The following PDE1A variants were observed in gnomAD, a reference collection of about 807,000 sequenced individuals.
PDE1A encodes dual specificity calcium/calmodulin-dependent 3',5'-cyclic nucleotide phosphodiesterase 1A.
In PDE1A, 35 loss-of-function variants were observed where a neutral mutation model predicts 61.7. That is an observed-to-expected ratio of 0.57 (90% CI 0.43 to 0.75). The LOEUF is 0.75. Among genes scored for constraint, PDE1A ranks in the 30% least tolerant of loss-of-function variants. PDE1A has a pLI of 0.00. For missense variants in PDE1A, 597 were observed against 630.6 expected (o/e 0.95, Z 0.57); for synonymous variants, 232 against 213.2 (o/e 1.09, Z -0.77).
chr2:182,347,936 C>A (rs1407039455), intron 1 of PDE1A, among the ~76,000 whole-genome samples: 3 of 152,010 alleles, frequency 2.0e-5, no homozygotes, highest in African/African-American at 7.2e-5. Context: ...GGTAGTACAG[C>A]GTTTTCTTTG....
the PDE1A span, among the ~76,000 whole-genome samples, chr2:182,704,047 C>CA: frequency 5.2e-4 from 74 of 143,216 alleles, no homozygotes; most frequent in South Asian, 9.1e-4. Flanking sequence ...CTAAAAATTA[C>CA]AAAAAAAAAA....
chr2:182,714,701 G>C, the PDE1A span, among the ~76,000 whole-genome samples: 268 of 152,106 alleles, frequency 1.8e-3, 1 homozygote, highest in Non-Finnish European at 2.3e-3. Flanking sequence ...TGGGATTATA[G>C]GGGTGTGCCA....
At chr2:182,627,472 C>CT in the PDE1A span, among the ~76,000 whole-genome samples, 18 of 141,716 alleles carry the variant, frequency 1.3e-4, no homozygotes, top group Non-Finnish European at 2.6e-4. Context: ...CATTGAGTCA[C>CT]TTTCAGTGCA....
intron 2 of PDE1A, among the ~76,000 whole-genome samples, chr2:182,466,956 T>C (rs761425606): frequency 8.6e-5 from 13 of 152,036 alleles, no homozygotes; most frequent in Non-Finnish European, 1.3e-4. Flanking sequence ...CATACGGGTA[T>C]ACTAAGAGGA....
intron 7 of PDE1A, among the ~76,000 whole-genome samples, chr2:182,212,090 G>A (rs540966149): frequency 6.6e-6 from 1 of 151,964 alleles, no homozygotes; most frequent in South Asian, 2.1e-4. Context: ...CACAATCTTA[G>A]TGGGAAAGCT....
At chr2:182,568,425 T>A in the PDE1A span, among the ~76,000 whole-genome samples, 1 of 152,192 alleles carries the variant, frequency 6.6e-6, no homozygotes, top group African/African-American at 2.4e-5. Context: ...ACGCCTGTAA[T>A]CCCAGCACTT....
intron 1 of PDE1A, among the ~76,000 whole-genome samples, chr2:182,357,777 T>C (rs977184600): frequency 6.6e-6 from 1 of 152,234 alleles, no homozygotes; most frequent in Non-Finnish European, 1.5e-5. Context: ...CTGAATAATA[T>C]TGGGTTCCAG....
At chr2:182,356,386 G>T (rs1021938998) in intron 1 of PDE1A, among the ~76,000 whole-genome samples, 1 of 151,998 alleles carries the variant, frequency 6.6e-6, no homozygotes, top group Non-Finnish European at 1.5e-5. Flanking sequence ...ACGTAAAATC[G>T]TATATTAAGA....
the PDE1A span, among the ~76,000 whole-genome samples, chr2:182,620,642 T>C: frequency 6.6e-6 from 1 of 152,216 alleles, no homozygotes; most frequent in African/African-American, 2.4e-5. Flanking sequence ...ACAAGAATAA[T>C]AAGATTTATG....
chr2:182,681,816 T>A, the PDE1A span, among the ~76,000 whole-genome samples: 1 of 152,144 alleles, frequency 6.6e-6, no homozygotes. Flanking sequence ...CAGCTAATTT[T>A]TTTGTATTTT....
the PDE1A span, among the ~76,000 whole-genome samples, chr2:182,540,790 A>G: frequency 6.6e-6 from 1 of 152,158 alleles, no homozygotes; most frequent in Admixed American, 6.6e-5. Flanking sequence ...ATAAATACAT[A>G]TTTATTTATA....
At chr2:182,323,922 G>A (rs1480553485) in intron 1 of PDE1A, among the ~76,000 whole-genome samples, 1 of 152,100 alleles carries the variant, frequency 6.6e-6, no homozygotes, top group African/African-American at 2.4e-5. Context: ...TTGCAGTAGG[G>A]CTGTGCAGCC....
At chr2:182,679,276 C>T in the PDE1A span, among the ~76,000 whole-genome samples, 18 of 150,918 alleles carry the variant, frequency 1.2e-4, no homozygotes, top group East Asian at 9.7e-4. Flanking sequence ...CTCCGCCTCC[C>T]GGGTTAACGT....
intron 1 of PDE1A, among the ~76,000 whole-genome samples, chr2:182,282,197 C>T (rs1004874344): frequency 6.6e-6 from 1 of 151,968 alleles, no homozygotes; most frequent in Non-Finnish European, 1.5e-5. Context: ...CTTATCCTCA[C>T]TACTTTGTCA....
intron 1 of PDE1A, among the ~76,000 whole-genome samples, chr2:182,376,888 G>C (rs760072498): frequency 6.6e-6 from 1 of 152,172 alleles, no homozygotes; most frequent in Non-Finnish European, 1.5e-5. Context: ...GGATACAAAA[G>C]TGGAAACACC....
the PDE1A span, among the ~76,000 whole-genome samples, chr2:182,568,523 A>G: frequency 3.1e-4 from 47 of 152,244 alleles, no homozygotes; most frequent in Middle Eastern, 6.8e-3. Flanking sequence ...AAAGTTAGCC[A>G]GGCGCAGTGG....
At chr2:182,503,250 G>C (rs1474571240) in intron 2 of PDE1A, among the ~76,000 whole-genome samples, 2 of 152,166 alleles carry the variant, frequency 1.3e-5, no homozygotes, top group Non-Finnish European at 2.9e-5. Flanking sequence ...ACAAAGGTCA[G>C]AGCCTTGTGA....
chr2:182,608,665 C>A, the PDE1A span, among the ~76,000 whole-genome samples: 1 of 152,324 alleles, frequency 6.6e-6, no homozygotes, highest in African/African-American at 2.4e-5. Context: ...GGACCTGCAG[C>A]GGGCCATGCC....
At chr2:182,560,611 T>C in the PDE1A span, among the ~76,000 whole-genome samples, 1 of 152,152 alleles carries the variant, frequency 6.6e-6, no homozygotes, top group Non-Finnish European at 1.5e-5. Flanking sequence ...ATGGTATTTC[T>C]AGTTCTAGAT....
Sources: allele counts gnomAD v4.1 joint callset (sites outside exome capture counted in the v4.1 genomes callset), GRCh38; gene constraint gnomAD v4.1.1; transcripts MANE v1.5; gene names NCBI Gene and HGNC (gene_info 2026-07-23, HGNC 2026-07-21).